Variants in GIGYF2 observed in about 807,000 individuals in gnomAD.
GIGYF2 encodes the protein GRB10 interacting GYF protein 2, also known as GRB10-interacting GYF protein 2.
A neutral mutation model predicts 208.1 loss-of-function variants in GIGYF2; 25 were observed. The ratio of observed to expected loss-of-function variants is 0.12; its 90% CI spans 0.09 to 0.17. GIGYF2 has a LOEUF of 0.17. Among genes scored for constraint, GIGYF2 ranks in the 10% least tolerant of loss-of-function variants. GIGYF2 has a pLI of 1.00. For synonymous variants in GIGYF2, 534 were observed against 543.8 expected, an observed-to-expected ratio of 0.98 and a Z score of 0.25; for missense variants, 1,302 against 1,579.4, an observed-to-expected ratio of 0.82 and a Z score of 2.98.
At chr2:232,777,520 T>A (rs2289914) in intron 8 of GIGYF2, among the ~76,000 whole-genome samples, 25,199 of 151,972 alleles carry the variant, frequency 0.17, 2,626 homozygotes, top group Non-Finnish European at 0.22. Flanking sequence ...TTGTTCAAAG[T>A]AAAATCTTGG....
At chr2:232,788,351 CTT>C in intron 9 of GIGYF2, 1 of 214,320 alleles carries the variant, frequency 4.7e-6, no homozygotes, top group South Asian at 6.9e-5. Context: ...ATGGCTGCCT[CTT>C]GGGTGGGTTT....
intron 2 of GIGYF2, among the ~76,000 whole-genome samples, chr2:232,716,144 C>A (rs149753195): frequency 6.6e-6 from 1 of 152,094 alleles, no homozygotes; most frequent in African/African-American, 2.4e-5. Flanking sequence ...GCCACTTTTA[C>A]AAGATTGCTT....
chr2:232,798,891 A>G (rs13033599), intron 14 of GIGYF2, among the ~76,000 whole-genome samples: 1 of 150,714 alleles, frequency 6.6e-6, no homozygotes. Flanking sequence ...ATACTTTTTC[A>G]TCTTCCCAAA....
At chr2:232,740,518 A>C (rs546866110) in intron 3 of GIGYF2, among the ~76,000 whole-genome samples, 1 of 152,170 alleles carries the variant, frequency 6.6e-6, no homozygotes, top group Admixed American at 6.5e-5. Flanking sequence ...TTATTTATAC[A>C]TTTGTTAAAA....
Position 232,791,406 on chromosome 2 carries a change from G to T in GIGYF2, c.1242G>T (p.Met414Ile). Residue 414 changes from methionine (M) to isoleucine (I), a missense_variant, in exon 12 of 29, where the codon ATG becomes ATT. Met to Ile is a conservative substitution (Grantham distance 10). Coordinates refer to ENST00000373563, the MANE Select transcript of GIGYF2 (RefSeq NM_001103146.3). ...AAAAAGCTGAAGAGGAGACTCGGAT[G>T]GAAAATAGTCTACCAGCCAAAGTGC... ...QTEKAEEETR[M>I]ENSLPAKVPS... 7 of 1,614,014 alleles carry T rather than the reference G, an allele frequency of 4.3e-6. No individual in the cohort carries two copies. The highest frequency in any genetic ancestry group is 5.9e-6 in the Non-Finnish European group (7 of 1,179,958).
chr2:232,729,950 A>G (rs1231265832), intron 2 of GIGYF2: 1 of 728,050 alleles, frequency 1.4e-6, no homozygotes, highest in Non-Finnish European at 2.5e-6. Context: ...TGTCTTCCAT[A>G]TCCACAGGAC....
chr2:232,740,213 C>T (rs1469092741), intron 3 of GIGYF2, among the ~76,000 whole-genome samples: 2 of 152,124 alleles, frequency 1.3e-5, no homozygotes, highest in African/African-American at 4.8e-5. Context: ...GTCCCAGCTA[C>T]TGAGAGTCTG....
intron 21 of GIGYF2, among the ~76,000 whole-genome samples, chr2:232,831,011 T>C (rs188960143): frequency 6.6e-6 from 1 of 152,314 alleles, no homozygotes; most frequent in Admixed American, 6.5e-5. Flanking sequence ...GAAGTTTTTC[T>C]CATGAATAGA....
At chr2:232,715,820 C>T (rs1407745120) in intron 2 of GIGYF2, among the ~76,000 whole-genome samples, 17 of 143,990 alleles carry the variant, frequency 1.2e-4, no homozygotes, top group East Asian at 4.0e-4. Flanking sequence ...GAAGAATTTC[C>T]TTTTTTTTTT....
In GIGYF2 at chr2:232,806,920, A is replaced by T. The variant is rs755850882; in HGVS notation, c.1806+263A>T. On this transcript the variant is annotated intron_variant, in intron 15 of 28. Coordinates refer to ENST00000373563, the MANE Select transcript of GIGYF2 (RefSeq NM_001103146.3). The surrounding 1 kb of genome is among the most constrained non-coding windows in gnomAD (Gnocchi z 4.0). ...GAATCCTTCAGTAGCATTCCAGCAG[A>T]TGTAGAATGAAGACCAACATCTTAT... Among the ~76,000 whole-genome samples, 1 of 152,292 alleles carries T rather than the reference A, an allele frequency of 6.6e-6. No homozygotes were observed. Among genetic ancestry groups the T allele is most frequent in the East Asian group, 1.9e-4 (1 of 5,180 alleles).
At chr2:232,756,740 C>T (rs1001641832) in intron 6 of GIGYF2, among the ~76,000 whole-genome samples, 2 of 152,166 alleles carry the variant, frequency 1.3e-5, no homozygotes, top group African/African-American at 4.8e-5. Context: ...CTTCTCCAGC[C>T]AGAGAGGGGC....
chr2:232,806,553 T>G lies in GIGYF2; in HGVS notation c.1702T>G (p.Leu568Val). The G allele has an allele frequency of 6.2e-7, 1 of 1,610,260 alleles. No homozygotes were observed. The highest frequency in any genetic ancestry group is 8.5e-7 in the Non-Finnish European group (1 of 1,176,438). Reference sequence around the variant, plus strand: ...GGCGGGCTATTTTACTATGTCTTTATTGGTGAAGAGAGCGTGTGATGAAAG... The same window carrying G: ...GGCGGGCTATTTTACTATGTCTTTAGTGGTGAAGAGAGCGTGTGATGAAAG... ...FQAGYFTMSL[L>V]VKRACDESFQ... The change falls in exon 15 of 29, where the codon TTG (leucine) becomes GTG (valine). Residue 568 changes from leucine to valine, a missense_variant. Physicochemically the swap from Leu to Val is conservative, Grantham distance 32. This residue lies in a region of GIGYF2 where 69 missense variants were observed against 132.8 expected (regional missense o/e 0.52). Transcript: ENST00000373563. This position sits in a 1 kb window ranked among gnomAD's most constrained non-coding sequence, Gnocchi z 4.0.
chr2:232,718,996 C>CT (rs35821380), intron 2 of GIGYF2: 24,923 of 145,320 alleles, frequency 0.17, 2,525 homozygotes, highest in Non-Finnish European at 0.22. Flanking sequence ...TGTAGTAGCA[C>CT]TTTTTTTTTT....
chr2:232,792,381 G>C (rs548870898), intron 12 of GIGYF2, among the ~76,000 whole-genome samples: 1 of 152,248 alleles, frequency 6.6e-6, no homozygotes, highest in Non-Finnish European at 1.5e-5. Context: ...TATTTTGAGA[G>C]CTCAAACCCA....
intron 1 of GIGYF2, among the ~76,000 whole-genome samples, chr2:232,698,099 A>G (rs1163895182): frequency 6.6e-6 from 1 of 152,236 alleles, no homozygotes; most frequent in African/African-American, 2.4e-5. Flanking sequence ...GTCAGTTTCC[A>G]AAAGCACTCT....
intron 8 of GIGYF2, among the ~76,000 whole-genome samples, chr2:232,783,910 A>G (rs1384163222): frequency 1.3e-5 from 2 of 152,118 alleles, no homozygotes; most frequent in Admixed American, 1.3e-4. Context: ...CTGGTCTCGA[A>G]CTTCTGACCT....
At chr2:232,836,314 A>ATT (rs1701617170) in intron 22 of GIGYF2, among the ~76,000 whole-genome samples, 1 of 24,008 alleles carries the variant, frequency 4.2e-5, no homozygotes, top group African/African-American at 1.4e-4. Context: ...ATATATATAT[A>ATT]TATATATATA....
intron 3 of GIGYF2, among the ~76,000 whole-genome samples, chr2:232,747,136 ATAAT>A (rs1279699617): frequency 3.3e-5 from 5 of 152,222 alleles, no homozygotes; most frequent in African/African-American, 9.6e-5. Flanking sequence ...AGATAATTAA[ATAAT>A]TAGCTATTAT....
Position 232,844,132 on chromosome 2 carries a change from C to T in GIGYF2, c.2976C>T (p.Val992=). Residue 992 remains valine, a synonymous_variant, in exon 24 of 29, where the codon GTC becomes GTT. Coordinates refer to ENST00000373563, the MANE Select transcript of GIGYF2 (RefSeq NM_001103146.3). ...AGAAACTCTCAGGTTGGGGGAATGT[C>T]AGCAAACCTTCAGGTACCACGAAAT... ...QQQKLSGWGN[V]SKPSGTTKSL... 1 of 1,589,320 alleles carries T rather than the reference C, an allele frequency of 6.3e-7. No homozygotes were observed. Among genetic ancestry groups the T allele is most frequent in the South Asian group, 1.1e-5 (1 of 88,664 alleles).
Sources: gnomAD v4.1 joint callset for allele counts (sites outside exome capture counted in the v4.1 genomes callset) on GRCh38, gnomAD v4.1.1 for gene constraint, gnomAD v4.1.1 regional missense constraint, Gnocchi (gnomAD v3.1) non-coding constraint, MANE v1.5 for transcripts, NCBI Gene and HGNC (gene_info 2026-07-23, HGNC 2026-07-21) for gene names.